The following TBXAS1 variants were observed in gnomAD, a reference collection of about 807,000 sequenced individuals.
TBXAS1 encodes thromboxane A synthase 1.
Under a neutral mutation model 60.7 loss-of-function variants are expected in TBXAS1, and 48 were observed. That is an observed-to-expected ratio of 0.79 (90% CI 0.63 to 1.01). TBXAS1 has a LOEUF of 1.01. TBXAS1 is among the 50% of genes least tolerant of loss of function. TBXAS1 has a pLI of 0.00. For synonymous variants in TBXAS1, 287 were observed against 269.7 expected, an observed-to-expected ratio of 1.06 and a Z score of -0.63; for missense variants, 685 against 686.3, an observed-to-expected ratio of 1.00 and a Z score of 0.02.
intron 1 of TBXAS1, among the ~76,000 whole-genome samples, chr7:139,854,305 C>T (rs1356403178): frequency 6.6e-6 from 1 of 152,094 alleles, no homozygotes; most frequent in Non-Finnish European, 1.5e-5. Flanking sequence ...ATTGCCCAAG[C>T]CTAATTTAGG....
chr7:139,984,273 T>A (rs921638557), intron 9 of TBXAS1, among the ~76,000 whole-genome samples: 1 of 152,232 alleles, frequency 6.6e-6, no homozygotes, highest in Non-Finnish European at 1.5e-5. Flanking sequence ...CCACTTATTT[T>A]TTTTATTTTG....
Position 139,817,853 on chromosome 7 carries a change from T to C in TBXAS1, c.-79-11459T>C, listed in dbSNP as rs377176381. Among the ~76,000 whole-genome samples the C allele has an allele frequency of 4.6e-5, 7 of 152,366 alleles. No homozygotes were observed. In the South Asian group the frequency reaches 6.2e-4, roughly 14 times the overall value. Reference sequence around the variant, plus strand: ...GAAAATGAGCCAGGTTCTTGGATTATGGAAACAAACCTTAATTTATGTCAA... The same window carrying C: ...GAAAATGAGCCAGGTTCTTGGATTACGGAAACAAACCTTAATTTATGTCAA... On this transcript the variant is annotated intron_variant, in intron 4 of 16. Transcript: ENST00000336425.
At chr7:139,954,468 T>C (rs992590050) in intron 6 of TBXAS1, among the ~76,000 whole-genome samples, 1 of 152,230 alleles carries the variant, frequency 6.6e-6, no homozygotes, top group African/African-American at 2.4e-5. Context: ...GTGTAATCAG[T>C]TGTAGAAACG....
At chr7:139,849,214 A>T (rs2116634446) in intron 1 of TBXAS1, among the ~76,000 whole-genome samples, 1 of 152,108 alleles carries the variant, frequency 6.6e-6, no homozygotes, top group East Asian at 1.9e-4. Flanking sequence ...CTCCGTCTCT[A>T]CAGAAAATAC....
chr7:139,846,814 G>C (rs900163721), intron 1 of TBXAS1, among the ~76,000 whole-genome samples: 6 of 152,120 alleles, frequency 3.9e-5, no homozygotes, highest in Non-Finnish European at 8.8e-5. Flanking sequence ...AGTGTCTTCG[G>C]GGGTGTTGGG....
intron 9 of TBXAS1, among the ~76,000 whole-genome samples, chr7:140,003,647 A>T (rs1182388676): frequency 6.6e-6 from 1 of 152,244 alleles, no homozygotes; most frequent in Non-Finnish European, 1.5e-5. Flanking sequence ...ACAAACCGTG[A>T]CAACTTACAA....
chr7:139,783,554 C>T (rs1797068022), intron 3 of TBXAS1, among the ~76,000 whole-genome samples: 1 of 152,102 alleles, frequency 6.6e-6, no homozygotes, highest in South Asian at 2.1e-4. Flanking sequence ...GTTTTCCTGA[C>T]CTGCAGTCCA....
chr7:139,843,522 T>TA (rs1799606683), intron 1 of TBXAS1, among the ~76,000 whole-genome samples: 1 of 152,092 alleles, frequency 6.6e-6, no homozygotes, highest in Middle Eastern at 3.2e-3. Flanking sequence ...TTTGTATCTT[T>TA]AGTAGAGGTG....
chr7:139,981,758 T>A (rs962772352), intron 9 of TBXAS1, among the ~76,000 whole-genome samples: 1 of 152,150 alleles, frequency 6.6e-6, no homozygotes, highest in Non-Finnish European at 1.5e-5. Context: ...CATAAGTAAT[T>A]CATTGAGTCG....
At chr7:139,846,992 T>G (rs1352715155) in intron 1 of TBXAS1, among the ~76,000 whole-genome samples, 2 of 152,146 alleles carry the variant, frequency 1.3e-5, no homozygotes, top group African/African-American at 4.8e-5. Flanking sequence ...CAAGCGGAGA[T>G]AGTCATTCTC....
In TBXAS1 at chr7:139,911,239, G is replaced by A. The variant is rs193110720; in HGVS notation, c.251G>A (p.Arg84His). The A allele has an allele frequency of 5.0e-6, 8 of 1,614,056 alleles. No homozygotes were observed. In the East Asian group the frequency reaches 6.7e-5, roughly 13 times the overall value. ...YGPLCGYYLGRRMFIVISEPD... is the reference protein window; with the variant it reads ...YGPLCGYYLGHRMFIVISEPD... Reference sequence around the variant, plus strand: ...ATTCCTCCCAGGTACTATCTTGGTCGTCGGATGTTTATTGTTATTTCTGAG... The same window carrying A: ...ATTCCTCCCAGGTACTATCTTGGTCATCGGATGTTTATTGTTATTTCTGAG... Residue 84 changes from arginine (R) to histidine (H), a missense_variant, in exon 4 of 13, where the codon CGT becomes CAT. Coordinates refer to ENST00000448866, the MANE Select transcript of TBXAS1 (RefSeq NM_001061.7).
intron 1 of TBXAS1, among the ~76,000 whole-genome samples, chr7:139,830,753 T>G (rs1798649535): frequency 6.6e-6 from 1 of 152,164 alleles, no homozygotes. Flanking sequence ...ATCTATCATC[T>G]ATGTAACCTA....
intron 3 of TBXAS1, 199 bp downstream of exon 3, chr7:139,875,836 C>CG: frequency 1.5e-6 from 1 of 658,902 alleles, no homozygotes; most frequent in South Asian, 1.9e-5. Context: ...GGGTTGCCCA[C>CG]GGGGGGACTC....
At chr7:139,779,255 C>G (rs370715671) in intron 1 of TBXAS1, among the ~76,000 whole-genome samples, 1 of 152,174 alleles carries the variant, frequency 6.6e-6, no homozygotes, top group Non-Finnish European at 1.5e-5. Flanking sequence ...CTCCATCCTC[C>G]GTTCCCATCC....
At chr7:140,000,989 G>A (rs953946508) in intron 9 of TBXAS1, among the ~76,000 whole-genome samples, 6 of 152,182 alleles carry the variant, frequency 3.9e-5, no homozygotes, top group Non-Finnish European at 5.9e-5. Flanking sequence ...CATTACAGAC[G>A]AGGGGTCCTG....
At chr7:139,812,984 G>C (rs991733114) in intron 4 of TBXAS1, among the ~76,000 whole-genome samples, 1 of 151,952 alleles carries the variant, frequency 6.6e-6, no homozygotes, top group Non-Finnish European at 1.5e-5. Context: ...TTGAACCGGG[G>C]TGGCGGAGGT....
In TBXAS1 at chr7:139,814,482, A is replaced by C. The variant is rs118033016; in HGVS notation, c.-79-14830A>C. Among the ~76,000 whole-genome samples, 3 of 152,308 alleles carry C rather than the reference A, an allele frequency of 2.0e-5. No individual in the cohort carries two copies. In the East Asian group the frequency reaches 5.8e-4, roughly 29 times the overall value. ...ATCCAGTTGGTCAAGTGGACACTCA[A>C]CATGACTTTGCTGGAATCACAAGGT... On this transcript the variant is annotated intron_variant, in intron 4 of 16. Coordinates refer to the TBXAS1 transcript ENST00000336425.
chr7:139,907,129 A>G (rs759865180), intron 3 of TBXAS1, among the ~76,000 whole-genome samples: 3 of 152,184 alleles, frequency 2.0e-5, no homozygotes, highest in Non-Finnish European at 4.4e-5. Context: ...CTTAAGGAAA[A>G]GCATTCAGTC....
chr7:139,806,558 T>C (rs1480131404), intron 4 of TBXAS1, among the ~76,000 whole-genome samples: 1 of 152,108 alleles, frequency 6.6e-6, no homozygotes, highest in Non-Finnish European at 1.5e-5. Context: ...CCACCGTGCC[T>C]GGCCTGTTTT....
Sources: gnomAD v4.1 joint callset for allele counts (sites outside exome capture counted in the v4.1 genomes callset) on GRCh38, gnomAD v4.1.1 for gene constraint, MANE v1.5 for transcripts, NCBI Gene and HGNC (gene_info 2026-07-23, HGNC 2026-07-21) for gene names.